The following USP34 variants were observed in gnomAD, a reference collection of about 807,000 sequenced individuals.
The protein encoded by USP34 is ubiquitin carboxyl-terminal hydrolase 34.
In USP34, 70 loss-of-function variants were observed where a neutral mutation model predicts 460.3. The observed-to-expected ratio is 0.15, with a 90% CI of 0.13 to 0.19. The LOEUF (loss-of-function observed/expected upper bound fraction) is 0.19, where lower values mean the gene tolerates loss of function less well. Ranked by LOEUF, USP34 falls within the 10% of genes least tolerant of loss-of-function variation. The pLI is 1.00. For missense variants in USP34, 3,985 were observed against 4,236.2 expected (o/e 0.94, Z 1.65); for synonymous variants, 1,647 against 1,405.3 (o/e 1.17, Z -3.85).
chr2:61,365,612 G>A (rs1311983877), intron 10 of USP34, among the ~76,000 whole-genome samples: 1 of 152,090 alleles, frequency 6.6e-6, no homozygotes, highest in African/African-American at 2.4e-5. Context: ...ATTAATTCTG[G>A]AGTAAGGAAG....
chr2:61,200,282 A>C (rs1686936636), intron 75 of USP34: 1 of 152,328 alleles, frequency 6.6e-6, no homozygotes, highest in Non-Finnish European at 1.5e-5. Context: ...GCTGTTTTTA[A>C]GTATCAAAAT....
intron 76 of USP34, 151 bp downstream of exon 76, chr2:61,192,750 T>C (rs1572822425): frequency 1.8e-6 from 1 of 556,610 alleles, no homozygotes; most frequent in South Asian, 3.1e-5. Flanking sequence ...TAATATGTAA[T>C]AGCTAGTATT....
intron 41 of USP34, among the ~76,000 whole-genome samples, chr2:61,267,593 C>A (rs924937236): frequency 6.6e-6 from 1 of 151,908 alleles, no homozygotes; most frequent in Non-Finnish European, 1.5e-5. Flanking sequence ...CAGGCACCTG[C>A]CACTACACCC....
chr2:61,383,285 T>C lies in USP34; in HGVS notation c.805A>G (p.Arg269Gly). 1 of 1,603,580 alleles carries C rather than the reference T, an allele frequency of 6.2e-7. No homozygotes were observed. The highest frequency in any genetic ancestry group is 8.5e-7 in the Non-Finnish European group (1 of 1,174,204). ...TAAACTTACCTAATAACATAGGTCC[T>C]AAAAGGTATAATGTGCTGCATGACA... ...PAVMQHIIPF[R>G]TYVIRYLCKL... The change falls in exon 6 of 80, where the codon AGG becomes GGG. Residue 269 changes from arginine (R) to glycine (G), a missense_variant. Physicochemically the swap from Arg to Gly is moderately radical, Grantham distance 125 (BLOSUM62 -2). Coordinates refer to ENST00000398571, the MANE Select transcript of USP34 (RefSeq NM_014709.4).
intron 34 of USP34, among the ~76,000 whole-genome samples, chr2:61,285,619 AAT>A (rs1440998093): frequency 6.6e-6 from 1 of 152,206 alleles, no homozygotes; most frequent in Non-Finnish European, 1.5e-5. Flanking sequence ...GGGGGAAAGA[AAT>A]ATATACATGT....
At chr2:61,198,470 A>C (rs1275724091) in intron 75 of USP34, among the ~76,000 whole-genome samples, 1 of 152,152 alleles carries the variant, frequency 6.6e-6, no homozygotes, top group East Asian at 1.9e-4. Flanking sequence ...TGCCTCCCAA[A>C]TGGACTCTTG....
At chr2:61,204,920 A>C (rs1335085422) in intron 72 of USP34, among the ~76,000 whole-genome samples, 5 of 152,150 alleles carry the variant, frequency 3.3e-5, no homozygotes, top group African/African-American at 9.7e-5. Context: ...GCAGTGGTGC[A>C]ATCAGCTCAC....
At chr2:61,221,452 A>G (rs1288547781) in intron 66 of USP34, 50 bp downstream of exon 66, 11 of 1,513,362 alleles carry the variant, frequency 7.3e-6, no homozygotes, top group Non-Finnish European at 9.9e-6. Context: ...TATTATAAAA[A>G]TAAAATCCTC....
chr2:61,221,861 TATTCTCTAAATTGACA>T (rs1558473862), intron 65 of USP34: 1 of 319,938 alleles, frequency 3.1e-6, no homozygotes. Context: ...ATTATAAAAA[TATTCTCTAAATTGACA>T]AACACTGTAA....
intron 20 of USP34, among the ~76,000 whole-genome samples, chr2:61,325,759 CA>C (rs1365970656): frequency 6.6e-6 from 1 of 152,076 alleles, no homozygotes; most frequent in African/African-American, 2.4e-5. Flanking sequence ...ATGTAACACA[CA>C]CATAAGTTAG....
intron 67 of USP34, chr2:61,220,047 T>A: frequency 3.4e-6 from 1 of 290,750 alleles, no homozygotes; most frequent in Non-Finnish European, 6.2e-6. Context: ...AACCTTTTTA[T>A]TCCCTTCATT....
intron 10 of USP34, among the ~76,000 whole-genome samples, chr2:61,367,326 G>A (rs553297405): frequency 1.3e-5 from 2 of 150,460 alleles, no homozygotes; most frequent in Non-Finnish European, 3.0e-5. Context: ...ACACACGCGC[G>A]CGCACACACA....
At chr2:61,424,201 C>T (rs1031816699) in intron 1 of USP34, among the ~76,000 whole-genome samples, 3 of 152,144 alleles carry the variant, frequency 2.0e-5, no homozygotes, top group African/African-American at 7.2e-5. Flanking sequence ...CTCTACTATA[C>T]GGTGTATAAA....
chr2:61,310,085 A>C (rs191667209), intron 27 of USP34, among the ~76,000 whole-genome samples: 69 of 152,352 alleles, frequency 4.5e-4, no homozygotes, highest in African/African-American at 1.4e-3. Flanking sequence ...AGAAGTGGAA[A>C]TGATGTTATT....
intron 41 of USP34, among the ~76,000 whole-genome samples, chr2:61,272,359 C>T (rs1689240459): frequency 7.0e-6 from 1 of 142,532 alleles, no homozygotes; most frequent in Non-Finnish European, 1.5e-5. Flanking sequence ...TGCAGTGAGC[C>T]AAGATCATGC....
intron 2 of USP34, chr2:61,417,218 C>A: frequency 6.7e-7 from 1 of 1,502,536 alleles, no homozygotes; most frequent in Non-Finnish European, 9.1e-7. Context: ...AGTGCAAGGT[C>A]AGAAACACGA....
chr2:61,205,960 TCACAACAATGTTCTTC>T, intron 72 of USP34, 41 bp downstream of exon 72: 7 of 1,352,712 alleles, frequency 5.2e-6, no homozygotes, highest in Non-Finnish European at 7.4e-6. Flanking sequence ...ACGGAAAAAC[TCACAACAATGTTCTTC>T]CACTAGGTTT....
chr2:61,222,660 C>T lies in USP34; in HGVS notation c.7753G>A (p.Val2585Ile), dbSNP rs1328677571. The T allele has an allele frequency of 6.2e-7, 1 of 1,611,204 alleles. No homozygotes were observed. The highest frequency in any genetic ancestry group is 2.2e-5 in the East Asian group (1 of 44,814). ...RYNNRLAEHIVSMLFTSIAKL... is the reference protein window; with the variant it reads ...RYNNRLAEHIISMLFTSIAKL... ...GCTATTGATGTGAAAAGCATAGATA[C>T]AATCTAAAACAGAAAGAGGAGGATT... The change falls in exon 65 of 80, where the codon GTA (valine) becomes ATA (isoleucine). Residue 2585 changes from valine to isoleucine, a missense_variant. Physicochemically the swap from Val to Ile is conservative, Grantham distance 29 (BLOSUM62 3). Coordinates refer to ENST00000398571, the MANE Select transcript of USP34 (RefSeq NM_014709.4).
At chr2:61,258,988 G>A (rs1031737917) in intron 44 of USP34, among the ~76,000 whole-genome samples, 9 of 152,084 alleles carry the variant, frequency 5.9e-5, no homozygotes, top group Non-Finnish European at 1.0e-4. Context: ...CTCCGGGCAC[G>A]GTGGCTCACA....
Sources: allele counts gnomAD v4.1 joint callset (sites outside exome capture counted in the v4.1 genomes callset), GRCh38; gene constraint gnomAD v4.1.1; transcripts MANE v1.5; gene names NCBI Gene and HGNC (gene_info 2026-07-23, HGNC 2026-07-21).